TRPM3: variants seen among roughly 807,000 people sequenced by gnomAD.
The protein encoded by TRPM3 is long transient receptor potential channel 3.
Under a neutral mutation model 181.2 loss-of-function variants are expected in TRPM3, and 77 were observed. The observed-to-expected ratio is 0.42, with a 90% CI of 0.35 to 0.51. TRPM3 has a LOEUF of 0.51. Among genes scored for constraint, TRPM3 ranks in the 20% least tolerant of loss-of-function variants. The pLI is 0.01. For missense variants in TRPM3, 1,759 were observed against 2,196.7 expected, an observed-to-expected ratio of 0.80 and a Z score of 3.98; for synonymous variants, 745 against 796.4, an observed-to-expected ratio of 0.94 and a Z score of 1.09.
At chr9:70,589,338 CAG>C (rs2057716912) in intron 22 of TRPM3, among the ~76,000 whole-genome samples, 1 of 152,160 alleles carries the variant, frequency 6.6e-6, no homozygotes, top group African/African-American at 2.4e-5. Context: ...GAGGGACAGA[CAG>C]AATCCCATTT....
chr9:71,335,834 C>A (rs376132352), intron 1 of TRPM3, among the ~76,000 whole-genome samples: 3 of 152,038 alleles, frequency 2.0e-5, no homozygotes, highest in Non-Finnish European at 4.4e-5. Context: ...ATATCTTTAA[C>A]CCTTTTACAA....
At chr9:70,588,183 T>C (rs1020956625) in intron 22 of TRPM3, among the ~76,000 whole-genome samples, 8 of 152,232 alleles carry the variant, frequency 5.3e-5, no homozygotes, top group Non-Finnish European at 1.0e-4. Context: ...AAAGTAACCT[T>C]AGAAGTTTCA....
At chr9:70,747,166 CAT>C (rs554388642) in intron 8 of TRPM3, among the ~76,000 whole-genome samples, 5 of 152,190 alleles carry the variant, frequency 3.3e-5, no homozygotes, top group South Asian at 2.1e-4. Context: ...ACAAGAGAAA[CAT>C]AGAATAATGA....
upstream of TRPM3, among the ~76,000 whole-genome samples, chr9:71,122,253 A>G (rs533430662): frequency 2.6e-5 from 4 of 152,378 alleles, no homozygotes; most frequent in South Asian, 8.3e-4. Context: ...TCATTTTCTA[A>G]GGAGGCTGTA....
At chr9:70,565,033 A>G (rs1226049212) in intron 22 of TRPM3, among the ~76,000 whole-genome samples, 1 of 152,174 alleles carries the variant, frequency 6.6e-6, no homozygotes, top group Non-Finnish European at 1.5e-5. Context: ...GCTTCAAGTG[A>G]TGCTCCTCAA....
intron 1 of TRPM3, among the ~76,000 whole-genome samples, chr9:71,241,933 C>A (rs1450193527): frequency 1.3e-5 from 2 of 152,202 alleles, no homozygotes; most frequent in Non-Finnish European, 2.9e-5. Context: ...TTGGGACATT[C>A]ATTTAATTAG....
intron 1 of TRPM3, among the ~76,000 whole-genome samples, chr9:71,193,986 C>T (rs767380160): frequency 2.0e-5 from 3 of 151,938 alleles, no homozygotes; most frequent in Non-Finnish European, 4.4e-5. Flanking sequence ...TATGCATACA[C>T]ATATACAAAT....
chr9:71,129,673 C>A (rs2074255538), intron 1 of TRPM3, among the ~76,000 whole-genome samples: 1 of 152,076 alleles, frequency 6.6e-6, no homozygotes, highest in African/African-American at 2.4e-5. Flanking sequence ...TATGCTGCTG[C>A]CAATTAAATA....
intron 9 of TRPM3, among the ~76,000 whole-genome samples, chr9:70,680,002 GCAGCGGTTCT>G (rs1193207729): frequency 6.6e-6 from 1 of 152,138 alleles, no homozygotes; most frequent in Non-Finnish European, 1.5e-5. Context: ...ATGCTTTAGA[GCAGCGGTTCT>G]CAAGCTGGAC....
intron 9 of TRPM3, among the ~76,000 whole-genome samples, chr9:70,644,969 G>C (rs1458737741): frequency 6.6e-6 from 1 of 152,158 alleles, no homozygotes; most frequent in African/African-American, 2.4e-5. Context: ...TTGCTACAAA[G>C]AGAATAAAAT....
Position 71,100,990 on chromosome 9 carries a change from T to A in TRPM3, c.177+20188A>T, listed in dbSNP as rs79602032. 4.1e-4 allele frequency among the ~76,000 whole-genome samples: 62 copies of A among 152,244 alleles called. 5 individuals are homozygous for A. In the East Asian group the frequency reaches 0.012, roughly 29 times the overall value. Reference sequence around the variant, plus strand: ...TCCCAAATCATGGTAGCATTTTTAATCTCTCTTTCTCTACTTGCTTTTTCT... The same window carrying A: ...TCCCAAATCATGGTAGCATTTTTAAACTCTCTTTCTCTACTTGCTTTTTCT... On this transcript the variant is annotated intron_variant, in intron 1 of 25. Transcript: ENST00000677713.
Position 71,121,358 on chromosome 9 carries a change from A to C in TRPM3, c.-4T>G, listed in dbSNP as rs2073614810. The C allele has an allele frequency of 6.2e-7, 1 of 1,613,318 alleles. No individual in the cohort carries two copies. The highest frequency in any genetic ancestry group is 8.5e-7 in the Non-Finnish European group (1 of 1,179,786). On this transcript the variant is annotated 5_prime_UTR_variant, in exon 1 of 26. It removes an upstream start codon present in the reference 5' UTR. Coordinates refer to ENST00000677713, the MANE Select transcript of TRPM3 (RefSeq NM_001366145.2). The stretch of plus-strand genomic sequence containing the variant: ...CGGTCCCCCACGGCTCTGGCATCCC[A>C]TGGTCATCTCCACACCTGCAAATTC...
intron 1 of TRPM3, among the ~76,000 whole-genome samples, chr9:71,393,203 T>C (rs988923458): frequency 1.3e-5 from 2 of 152,164 alleles, no homozygotes; most frequent in Non-Finnish European, 2.9e-5. Context: ...TTCAGGCCTA[T>C]TGAGGTTTCT....
At chr9:71,438,791 T>C (rs1343817085) in intron 1 of TRPM3, among the ~76,000 whole-genome samples, 4 of 152,194 alleles carry the variant, frequency 2.6e-5, no homozygotes, top group Admixed American at 6.5e-5. Flanking sequence ...AAAATAGGGA[T>C]ATAGATGAAG....
chr9:71,199,151 T>C (rs955506357), intron 1 of TRPM3, among the ~76,000 whole-genome samples: 68 of 151,550 alleles, frequency 4.5e-4, no homozygotes, highest in South Asian at 4.2e-4. Context: ...TTGTCTTTGG[T>C]TCTGTTTATA....
At position 70,536,335 on chromosome 9, in the gene TRPM3, C is replaced by A. The variant is rs1349435197; in HGVS notation, c.4778G>T (p.Cys1593Phe). ...GLGDKVEDLT[C>F]CHPEREAELS... is the part of the protein sequence containing the mutation. ...TTCTGCTTCTCGCTCTGGATGGCAG[C>A]AAGTTAAGTCCTCCACTTTGTCTCC... Residue 1593 changes from cysteine to phenylalanine, a missense_variant, in exon 26 of 26, where the codon TGC (cysteine) becomes TTC (phenylalanine). By Grantham distance (205) the Cys-to-Phe change is radical. Around this residue, in one of 8 missense-constraint regions of TRPM3, gnomAD observed 612 missense variants for 590.0 expected, o/e 1.04. Coordinates refer to ENST00000677713, the MANE Select transcript of TRPM3 (RefSeq NM_001366145.2). 16 of 1,613,952 alleles carry A rather than the reference C, an allele frequency of 9.9e-6. No homozygotes were observed. Among genetic ancestry groups the A allele is most frequent in the Non-Finnish European group, 1.4e-5 (16 of 1,179,996 alleles).
In TRPM3 at chr9:71,002,583, T is replaced by C. The variant is rs574577850; in HGVS notation, c.177+118595A>G. On this transcript the variant is annotated intron_variant, in intron 1 of 25. Transcript: ENST00000677713. ...TCCACTATATACGTCTACTTTCTAG[T>C]AACACCCCTAGACTCCTTTTCCCCT... Among the ~76,000 whole-genome samples the C allele has an allele frequency of 2.6e-5, 4 of 152,178 alleles. No homozygotes were observed. The South Asian group carries it at 6.2e-4, about 24-fold the overall frequency.
chr9:70,929,832 T>A (rs1402355925), intron 1 of TRPM3, among the ~76,000 whole-genome samples: 1 of 152,192 alleles, frequency 6.6e-6, no homozygotes, highest in African/African-American at 2.4e-5. Flanking sequence ...TCCTCCTCCT[T>A]ACCCCTGCCT....
intron 1 of TRPM3, among the ~76,000 whole-genome samples, chr9:71,029,910 C>T (rs1477525506): frequency 6.6e-6 from 1 of 152,120 alleles, no homozygotes; most frequent in East Asian, 1.9e-4. Flanking sequence ...ATATTTGAGT[C>T]AGGTACCAGT....
Sources: allele counts gnomAD v4.1 joint callset (sites outside exome capture counted in the v4.1 genomes callset), GRCh38; gene constraint gnomAD v4.1.1; regional missense constraint gnomAD v4.1.1; transcripts MANE v1.5; gene names NCBI Gene and HGNC (gene_info 2026-07-23, HGNC 2026-07-21).